GRIN2B: variants seen among roughly 807,000 people sequenced by gnomAD.
The protein encoded by GRIN2B is glutamate ionotropic receptor NMDA type subunit 2B, also known as glutamate receptor ionotropic, NMDA 2B.
GRIN2B carries 5 observed loss-of-function variants against 114.5 expected under a neutral mutation model. That is an observed-to-expected ratio of 0.04 (90% confidence interval 0.02 to 0.09). The LOEUF (loss-of-function observed/expected upper bound fraction) is 0.09. GRIN2B is among the 10% of genes least tolerant of loss of function. The pLI, the probability that GRIN2B is intolerant of heterozygous loss-of-function variation, is 1.00. For synonymous variants in GRIN2B, 787 were observed against 745.1 expected, an observed-to-expected ratio of 1.06 and a Z score of -0.92; for missense variants, 1,108 against 1,943.5, an observed-to-expected ratio of 0.57 and a Z score of 8.08.
At chr12:13,613,014 A>G (rs188631935) in intron 8 of GRIN2B, among the ~76,000 whole-genome samples, 179 of 152,352 alleles carry the variant, frequency 1.2e-3, no homozygotes, top group African/African-American at 4.0e-3. Flanking sequence ...TCCCAAAGGA[A>G]TTGTAAAAGC....
chr12:13,904,416 A>G (rs1319106381), intron 2 of GRIN2B, among the ~76,000 whole-genome samples: 1 of 152,104 alleles, frequency 6.6e-6, no homozygotes, highest in Non-Finnish European at 1.5e-5. Context: ...GCATCTTAGG[A>G]CACTTTAACC....
intron 10 of GRIN2B, among the ~76,000 whole-genome samples, chr12:13,580,314 T>C (rs1948830563): frequency 6.6e-6 from 1 of 152,236 alleles, no homozygotes; most frequent in African/African-American, 2.4e-5. Context: ...ATTCAGTCTG[T>C]GTCCAATCAG....
At chr12:13,669,392 C>T (rs1458127361) in intron 5 of GRIN2B, among the ~76,000 whole-genome samples, 2 of 152,008 alleles carry the variant, frequency 1.3e-5, no homozygotes, top group East Asian at 1.9e-4. Flanking sequence ...CTCCATGGAT[C>T]CTGTCTTCTA....
intron 3 of GRIN2B, among the ~76,000 whole-genome samples, chr12:13,833,567 C>T (rs1231570264): frequency 3.3e-5 from 5 of 152,184 alleles, no homozygotes; most frequent in Non-Finnish European, 7.3e-5. Context: ...TCTTGAATTC[C>T]TACTATCTGG....
At chr12:13,803,813 T>C (rs1864556797) in intron 3 of GRIN2B, among the ~76,000 whole-genome samples, 1 of 152,096 alleles carries the variant, frequency 6.6e-6, no homozygotes, top group Non-Finnish European at 1.5e-5. Flanking sequence ...GAAACAACAA[T>C]TCACAAGGGG....
chr12:13,715,353 C>A (rs918985159), intron 4 of GRIN2B, among the ~76,000 whole-genome samples: 1 of 151,796 alleles, frequency 6.6e-6, no homozygotes, highest in African/African-American at 2.4e-5. Context: ...ACTTATTGCA[C>A]CATTAGGCTG....
intron 2 of GRIN2B, among the ~76,000 whole-genome samples, chr12:13,894,544 A>G (rs1167945452): frequency 2.0e-5 from 3 of 152,182 alleles, no homozygotes; most frequent in Admixed American, 6.6e-5. Context: ...ATAACAGAAC[A>G]TTAGCAGCAA....
intron 5 of GRIN2B, among the ~76,000 whole-genome samples, chr12:13,635,987 A>C (rs995215396): frequency 8.5e-5 from 13 of 152,214 alleles, no homozygotes; most frequent in African/African-American, 2.9e-4. Flanking sequence ...GGAGAAAGAC[A>C]ATAAACAAAT....
chr12:13,541,969 C>T lies in GRIN2B; in HGVS notation c.*20814G>A, dbSNP rs1948284250. On this transcript the variant is annotated 3_prime_UTR_variant, in exon 14 of 14. Coordinates refer to ENST00000609686, the MANE Select transcript of GRIN2B (RefSeq NM_000834.5). ...CACAGTGGAATTTTATTTTTCTGCT[C>T]TCCTTGCCAAACTACTTGTTTTTTT... The T allele has an allele frequency of 6.6e-6, 1 of 152,206 alleles. No individual in the cohort carries two copies. The highest frequency in any genetic ancestry group is 1.5e-5 in the Non-Finnish European group (1 of 68,042). 9.4% of individuals were successfully genotyped at this position (152,206 alleles called of 1,614,324 possible). A position where few individuals can be genotyped will look rare whatever the true frequency, so the allele number is the denominator to read the frequency against.
chr12:13,790,840 C>T (rs1054053888), intron 3 of GRIN2B, among the ~76,000 whole-genome samples: 1 of 152,150 alleles, frequency 6.6e-6, no homozygotes, highest in Non-Finnish European at 1.5e-5. Flanking sequence ...CTAAGGAAGG[C>T]AGTTTGGTTT....
chr12:13,566,762 T>C lies in GRIN2B; in HGVS notation c.2598+263A>G, dbSNP rs74065126. 0.025 allele frequency among the ~76,000 whole-genome samples: 3,832 copies of C among 152,348 alleles called. 159 individuals carry two copies. Among genetic ancestry groups the C allele is most frequent in the African/African-American group, 0.086 (3,593 of 41,560 alleles). ...TGGTAAAAAGCCAAATTTTCCATTT[T>C]GACAGATCTGTCAGTTCTTACAGAG... is the stretch of plus-strand genomic sequence containing the variant. On this transcript the variant is annotated intron_variant, in intron 13 of 13. Transcript: ENST00000609686.
intron 2 of GRIN2B, among the ~76,000 whole-genome samples, chr12:13,903,083 T>C (rs1461153862): frequency 6.6e-6 from 1 of 152,168 alleles, no homozygotes; most frequent in Non-Finnish European, 1.5e-5. Flanking sequence ...GTAGCACTTC[T>C]AGTGATATCC....
intron 4 of GRIN2B, among the ~76,000 whole-genome samples, chr12:13,677,117 A>G (rs1950081906): frequency 6.6e-6 from 1 of 152,170 alleles, no homozygotes; most frequent in Admixed American, 6.6e-5. Context: ...TCTTTTTACC[A>G]TAATGGCCCA....
chr12:13,974,433 C>G (rs1862983626), intron 2 of GRIN2B, among the ~76,000 whole-genome samples: 1 of 152,190 alleles, frequency 6.6e-6, no homozygotes, highest in African/African-American at 2.4e-5. Flanking sequence ...CATTTGTAAT[C>G]TGAAATTCCT....
intron 4 of GRIN2B, among the ~76,000 whole-genome samples, chr12:13,709,828 A>G (rs1362596243): frequency 6.6e-6 from 1 of 152,030 alleles, no homozygotes; most frequent in Non-Finnish European, 1.5e-5. Flanking sequence ...TTCTGGTGAG[A>G]AAGTAAAATG....
intron 10 of GRIN2B, among the ~76,000 whole-genome samples, chr12:13,603,746 G>A (rs971849860): frequency 2.6e-5 from 4 of 152,076 alleles, no homozygotes; most frequent in African/African-American, 9.7e-5. Flanking sequence ...GGGCAGGGGT[G>A]TCAATTCCAG....
intron 2 of GRIN2B, among the ~76,000 whole-genome samples, chr12:13,960,710 G>GA (rs1867673242): frequency 6.6e-6 from 1 of 152,188 alleles, no homozygotes; most frequent in African/African-American, 2.4e-5. Context: ...AAGAAGCAGA[G>GA]AAAACAGAAC....
intron 2 of GRIN2B, among the ~76,000 whole-genome samples, chr12:13,905,465 T>C (rs1297862586): frequency 6.6e-6 from 1 of 152,198 alleles, no homozygotes; most frequent in Non-Finnish European, 1.5e-5. Flanking sequence ...TCCCTTTTAT[T>C]TATTTAAATG....
intron 2 of GRIN2B, among the ~76,000 whole-genome samples, chr12:13,866,629 C>T (rs58997757): frequency 0.013 from 2,046 of 152,244 alleles, 47 homozygotes; most frequent in African/African-American, 0.047. Flanking sequence ...AGCAGAAAAA[C>T]GTGCTCAGCA....
Sources: gnomAD v4.1 joint callset for allele counts (sites outside exome capture counted in the v4.1 genomes callset) on GRCh38, gnomAD v4.1.1 for gene constraint, MANE v1.5 for transcripts, NCBI Gene and HGNC (gene_info 2026-07-23, HGNC 2026-07-21) for gene names.